The following ATP10B variants were observed in gnomAD, a reference collection of about 807,000 sequenced individuals.
The protein encoded by ATP10B is ATPase phospholipid transporting 10B (putative).
ATP10B carries 122 observed loss-of-function variants against 141.2 expected under a neutral mutation model. That is an observed-to-expected ratio of 0.86 (90% confidence interval 0.75 to 1.00). ATP10B has a LOEUF of 1.00. Among genes scored for constraint, ATP10B ranks in the 50% least tolerant of loss-of-function variants. The pLI is 0.00. For missense variants in ATP10B, 1,876 were observed against 1,825.3 expected (o/e 1.03, Z -0.51); for synonymous variants, 685 against 692.0 (o/e 0.99, Z 0.16).
chr5:160,577,553 G>A (rs192539325), intron 24 of ATP10B, among the ~76,000 whole-genome samples: 5 of 152,150 alleles, frequency 3.3e-5, no homozygotes, highest in South Asian at 2.1e-4. Flanking sequence ...GGAGAGCACC[G>A]CGTCCTAGGG....
chr5:160,582,029 G>A (rs1166249348), intron 24 of ATP10B, among the ~76,000 whole-genome samples: 2 of 151,950 alleles, frequency 1.3e-5, no homozygotes, highest in African/African-American at 4.8e-5. Flanking sequence ...TTTATTTTGA[G>A]CCTATGTGTG....
At chr5:160,763,287 C>G (rs1350208109) in intron 2 of ATP10B, among the ~76,000 whole-genome samples, 1 of 152,108 alleles carries the variant, frequency 6.6e-6, no homozygotes, top group African/African-American at 2.4e-5. Flanking sequence ...ATGGAACATT[C>G]TCCAAGATAG....
intron 19 of ATP10B, among the ~76,000 whole-genome samples, chr5:160,606,260 A>G (rs1315527855): frequency 6.6e-6 from 1 of 152,210 alleles, no homozygotes; most frequent in Non-Finnish European, 1.5e-5. Flanking sequence ...CAATGCTAGC[A>G]TCTATTGGTG....
the ATP10B span, among the ~76,000 whole-genome samples, chr5:160,880,057 CTA>C: frequency 1.1e-4 from 17 of 150,258 alleles, no homozygotes; most frequent in South Asian, 6.3e-4. Context: ...ATCTAATAAT[CTA>C]TGTGTATAAA....
chr5:160,772,219 A>T (rs972245423), intron 2 of ATP10B, among the ~76,000 whole-genome samples: 8 of 152,234 alleles, frequency 5.3e-5, no homozygotes, highest in Non-Finnish European at 1.0e-4. Flanking sequence ...AGTCACCACT[A>T]ATCAACGTTT....
At chr5:160,594,510 A>C (rs897652206) in intron 22 of ATP10B, among the ~76,000 whole-genome samples, 4 of 152,122 alleles carry the variant, frequency 2.6e-5, no homozygotes, top group Non-Finnish European at 5.9e-5. Context: ...CTAACATCAT[A>C]ATGACAGGAT....
At chr5:160,586,328 A>G (rs1363240276) in intron 24 of ATP10B, among the ~76,000 whole-genome samples, 2 of 152,098 alleles carry the variant, frequency 1.3e-5, no homozygotes, top group African/African-American at 4.8e-5. Flanking sequence ...TTATGGCTGC[A>G]TAGTATTCTA....
intron 3 of ATP10B, among the ~76,000 whole-genome samples, chr5:160,715,240 C>T (rs914230097): frequency 1.6e-5 from 2 of 124,566 alleles, no homozygotes; most frequent in Admixed American, 1.6e-4. Context: ...AGTTTGATCT[C>T]AGACTGCTGT....
At chr5:160,596,668 T>C (rs1343090319) in intron 22 of ATP10B, among the ~76,000 whole-genome samples, 2 of 151,616 alleles carry the variant, frequency 1.3e-5, no homozygotes, top group Non-Finnish European at 1.5e-5. Flanking sequence ...CAAAATCTCC[T>C]TAAGCTGATA....
Position 160,705,116 on chromosome 5 carries a change from C to T in ATP10B, c.-205+11793G>A, listed in dbSNP as rs566743460. ...TGTGTTTTTAGTAGAGACGGGGTTTCACTGTGTTAGCCAGGATGGTCTCGA... is the reference window on the plus strand; with the variant it reads ...TGTGTTTTTAGTAGAGACGGGGTTTTACTGTGTTAGCCAGGATGGTCTCGA... On this transcript the variant is annotated intron_variant, in intron 3 of 25. Coordinates refer to ENST00000327245, the MANE Select transcript of ATP10B (RefSeq NM_025153.3). Among the ~76,000 whole-genome samples the T allele has an allele frequency of 2.0e-5, 3 of 151,754 alleles. No homozygotes were observed. In the South Asian group the frequency reaches 6.3e-4, roughly 32 times the overall value.
chr5:160,659,961 T>G (rs1019110341), intron 7 of ATP10B, among the ~76,000 whole-genome samples: 2 of 152,236 alleles, frequency 1.3e-5, no homozygotes, highest in African/African-American at 4.8e-5. Flanking sequence ...TTGATCTCTC[T>G]GAAGTTATTT....
chr5:160,839,613 A>G (rs191680015), intron 1 of ATP10B, among the ~76,000 whole-genome samples: 2 of 152,292 alleles, frequency 1.3e-5, no homozygotes, highest in East Asian at 1.9e-4. Flanking sequence ...TAATTACAAC[A>G]TAAGATGAGA....
intron 2 of ATP10B, among the ~76,000 whole-genome samples, chr5:160,747,807 T>C (rs1212730387): frequency 6.6e-6 from 1 of 152,166 alleles, no homozygotes; most frequent in African/African-American, 2.4e-5. Context: ...CTGTCATAGC[T>C]GTCTTTCATT....
At chr5:160,577,540 G>C (rs1336129234) in intron 24 of ATP10B, among the ~76,000 whole-genome samples, 1 of 152,178 alleles carries the variant, frequency 6.6e-6, no homozygotes, top group Non-Finnish European at 1.5e-5. Context: ...ATTTTCTGGG[G>C]CTGGAGAGCA....
At chr5:160,651,902 T>C (rs1306540960) in intron 7 of ATP10B, among the ~76,000 whole-genome samples, 1 of 152,182 alleles carries the variant, frequency 6.6e-6, no homozygotes, top group Non-Finnish European at 1.5e-5. Flanking sequence ...GCTGCTTTCA[T>C]GCCCCTGATT....
chr5:160,805,519 G>T (rs951835898), intron 1 of ATP10B, among the ~76,000 whole-genome samples: 1 of 152,188 alleles, frequency 6.6e-6, no homozygotes, highest in Non-Finnish European at 1.5e-5. Flanking sequence ...TTTGGCACAC[G>T]CATGTGGACA....
intron 24 of ATP10B, among the ~76,000 whole-genome samples, chr5:160,575,977 G>A (rs1321481085): frequency 1.3e-5 from 2 of 152,076 alleles, no homozygotes; most frequent in African/African-American, 2.4e-5. Flanking sequence ...TCTACATTAC[G>A]GCAAGAAATT....
In ATP10B at chr5:160,785,651, A is replaced by G. The variant is rs926170170; in HGVS notation, c.-423T>C. ...TGTTCTCATCTTTGTGTCCATGTGT[A>G]AGAAATGGTAGTTTCTCATCTTGGC... On this transcript the variant is annotated 5_prime_UTR_variant, in exon 2 of 26. Transcript: ENST00000327245. 3 of 1,283,320 alleles carry G rather than the reference A, an allele frequency of 2.3e-6. No homozygotes were observed. Among genetic ancestry groups the G allele is most frequent in the Non-Finnish European group, 3.1e-6 (3 of 983,538 alleles). The allele number at this position is 1,283,320 out of a possible 1,614,324, so 79.5% of individuals were successfully genotyped here.
intron 1 of ATP10B, among the ~76,000 whole-genome samples, chr5:160,843,840 GT>G (rs918946541): frequency 6.6e-6 from 1 of 151,760 alleles, no homozygotes; most frequent in Non-Finnish European, 1.5e-5. Context: ...TTTTTCTCAA[GT>G]TTTTTTCATT....
Sources: gnomAD v4.1 joint callset for allele counts (sites outside exome capture counted in the v4.1 genomes callset) on GRCh38, gnomAD v4.1.1 for gene constraint, MANE v1.5 for transcripts, NCBI Gene and HGNC (gene_info 2026-07-23, HGNC 2026-07-21) for gene names.